Variants in MUC3A observed in about 807,000 individuals in gnomAD.
MUC3A encodes mucin 3A, cell surface associated.
In MUC3A, 109 loss-of-function variants were observed where a neutral mutation model predicts 109.0. The observed-to-expected ratio is 1.00, with a 90% CI of 0.86 to 1.17. The LOEUF (loss-of-function observed/expected upper bound fraction) is 1.17, where lower values mean the gene tolerates loss of function less well. Among genes scored for constraint, MUC3A ranks in the 50% most tolerant of loss-of-function variants. The pLI is 0.00. For missense variants in MUC3A, 3,537 were observed against 2,469.4 expected (o/e 1.43, Z -9.16); for synonymous variants, 1,398 against 981.4 (o/e 1.42, Z -7.93).
intron 5 of MUC3A, 193 bp downstream of exon 5, chr7:100,963,945 C>G: frequency 1.3e-6 from 1 of 774,716 alleles, no homozygotes; most frequent in Non-Finnish European, 2.1e-6. Flanking sequence ...GGTGGCACCT[C>G]TCTTCTTCAG....
intron 3 of MUC3A, 142 bp downstream of exon 3, chr7:100,961,079 C>G: frequency 6.5e-7 from 1 of 1,528,990 alleles, no homozygotes; most frequent in East Asian, 2.4e-5. Flanking sequence ...CCCATGCCCT[C>G]CGCTGCCCTG....
At position 100,957,232 on chromosome 7, in the gene MUC3A, CT is replaced by C; in HGVS notation, c.5454del (p.Leu1819TyrfsTer5). 1 of 489,668 alleles carries C rather than the reference CT, an allele frequency of 2.0e-6. No homozygotes were observed. Among genetic ancestry groups the C allele is most frequent in the Non-Finnish European group, 3.6e-6 (1 of 281,340 alleles). The allele number at this position is 489,668 out of a possible 1,614,324, so 30.3% of individuals were successfully genotyped here. On this transcript the variant is annotated frameshift_variant, in exon 2 of 12. Coordinates refer to ENST00000379458, the MANE Select transcript of MUC3A (RefSeq NM_005960.2). LOFTEE classifies it high-confidence loss of function. Reference sequence around the variant, plus strand: ...ACCAGTGGTACCACAAACACCACCCCTCTATCTACATTGGTGACCACATTCT... The same window carrying C: ...ACCAGTGGTACCACAAACACCACCCCCTATCTACATTGGTGACCACATTCT... ...AITSGTTNTT[P>X]LSTLVTTFSN... is the part of the protein sequence containing the mutation.
In MUC3A at chr7:100,958,999, C is replaced by G; in HGVS notation, c.7220C>G (p.Pro2407Arg). Residue 2407 changes from proline to arginine, a missense_variant, in exon 2 of 12, where the codon CCT (proline) becomes CGT (arginine). Coordinates refer to ENST00000379458, the MANE Select transcript of MUC3A (RefSeq NM_005960.2). ...TTTKTTSHIT[P>R]GLTSSITTTE... ...ACCAAGACCACCTCACACATTACTC[C>G]TGGCCTCACTTCTTCAATCACCACC... The G allele has an allele frequency of 1.3e-6, 2 of 1,580,746 alleles. No individual in the cohort carries two copies. Among genetic ancestry groups the G allele is most frequent in the Non-Finnish European group, 1.7e-6 (2 of 1,170,940 alleles).
rs770007554 is a variant in MUC3A, at chr7:100,952,098, A to G, written c.319A>G (p.Lys107Glu). The change falls in exon 2 of 12, where the codon AAG becomes GAG. Residue 107 changes from lysine (K) to glutamate (E), a missense_variant. Coordinates refer to ENST00000379458, the MANE Select transcript of MUC3A (RefSeq NM_005960.2). ...SSNTSTTPTS[K>E]FAFKVETTPP... is the part of the protein sequence containing the mutation. ...CAACACCTCAACCACCCCGACGTCC[A>G]AGTTTGCCTTCAAGGTTGAAACCAC... is the stretch of plus-strand genomic sequence containing the variant. 1 of 1,598,636 alleles carries G rather than the reference A, an allele frequency of 6.3e-7. No individual in the cohort carries two copies. The highest frequency in any genetic ancestry group is 1.1e-5 in the South Asian group (1 of 91,092).
At chr7:100,951,725 G>A (rs1273660152) in intron 1 of MUC3A, 116 bp from the exon 2 acceptor site, 2 of 1,475,466 alleles carry the variant, frequency 1.4e-6, no homozygotes, top group Non-Finnish European at 1.8e-6. Flanking sequence ...GCTGTAATAT[G>A]CCCTGCCCTC....
intron 1 of MUC3A, among the ~76,000 whole-genome samples, chr7:100,950,562 G>A (rs371351623): frequency 6.6e-5 from 10 of 152,426 alleles, no homozygotes; most frequent in African/African-American, 2.4e-4. Flanking sequence ...AGGTTGAGAC[G>A]TGACACCCCA....
chr7:100,962,597 A>G (rs1449648917), intron 3 of MUC3A, among the ~76,000 whole-genome samples: 1 of 152,290 alleles, frequency 6.6e-6, no homozygotes, highest in Non-Finnish European at 1.5e-5. Context: ...GCTTTCACTC[A>G]TCTCCACACA....
chr7:100,952,556 C>T lies in MUC3A; in HGVS notation c.777C>T (p.Ile259=), dbSNP rs1791982898. Residue 259 remains isoleucine (I), a synonymous_variant, in exon 2 of 12, where the codon ATC becomes ATT. Coordinates refer to ENST00000379458, the MANE Select transcript of MUC3A (RefSeq NM_005960.2). The part of the protein sequence containing the change: ...LKTAVTSTSP[I]TSSITSTNTV... ...CAGCAGTGACTTCCACTTCCCCCAT[C>T]ACTTCTTCAATCACTTCCACAAATA... 1 of 1,598,344 alleles carries T rather than the reference C, an allele frequency of 6.3e-7. No individual in the cohort carries two copies. Among genetic ancestry groups the T allele is most frequent in the East Asian group, 2.2e-5 (1 of 44,858 alleles).
rs2116198105 is a variant in MUC3A at position 100,959,611 on chromosome 7, T to A, written c.7832T>A (p.Leu2611His). The change falls in exon 2 of 12, where the codon CTT becomes CAT. Residue 2611 changes from leucine to histidine, a missense_variant. Coordinates refer to ENST00000379458, the MANE Select transcript of MUC3A (RefSeq NM_005960.2). Reference protein sequence around the residue: ...FGSTDSSTSTLHTLTPSTALS... With the variant: ...FGSTDSSTSTHHTLTPSTALS... ...AGTACGGATTCCTCCACGTCCACTCTTCATACTCTTACTCCATCAACAGCC... is the reference window on the plus strand; with the variant it reads ...AGTACGGATTCCTCCACGTCCACTCATCATACTCTTACTCCATCAACAGCC... The A allele has an allele frequency of 1.3e-6, 2 of 1,598,378 alleles. No individual in the cohort carries two copies. The highest frequency in any genetic ancestry group is 2.2e-5 in the East Asian group (1 of 44,890).
Position 100,960,637 on chromosome 7 carries a change from C to T in MUC3A, c.8858C>T (p.Thr2953Ile). ...SQMTTQSTLT[T>I]TAGTCDNGGT... ...ATGACCACACAGTCCACGTTGACCA[C>T]CACTGCAGGTTGGACCTTCTGCCTC... The change falls in exon 2 of 12, where the codon ACC (threonine) becomes ATC (isoleucine). Residue 2953 changes from threonine (T) to isoleucine (I), a missense_variant. Physicochemically the swap from Thr to Ile is moderately conservative, Grantham distance 89 (BLOSUM62 -1). Transcript: ENST00000379458. 2 of 1,595,592 alleles carry T rather than the reference C, an allele frequency of 1.3e-6. No homozygotes were observed. Among genetic ancestry groups the T allele is most frequent in the Non-Finnish European group, 1.7e-6 (2 of 1,178,988 alleles).
At position 100,949,738 on chromosome 7, in the gene MUC3A, C is replaced by T; in HGVS notation, c.61+53C>T. On this transcript the variant is annotated intron_variant, in intron 1 of 11. Coordinates refer to ENST00000379458, the MANE Select transcript of MUC3A (RefSeq NM_005960.2). ...GAGAAAAGCTCCTGATGTGATGTTC[C>T]AGGAAAGGGGAGGGAAAAGTGGCTG... The T allele has an allele frequency of 2.1e-6, 3 of 1,450,182 alleles. No homozygotes were observed. In the South Asian group the frequency reaches 4.1e-5, roughly 20 times the overall value. 89.8% of individuals were successfully genotyped at this position (1,450,182 alleles called of 1,614,324 possible). A position where few individuals can be genotyped will look rare whatever the true frequency, so the allele number is the denominator to read the frequency against.
chr7:100,958,780 C>T lies in MUC3A; in HGVS notation c.7001C>T (p.Thr2334Ile). 3 of 1,269,196 alleles carry T rather than the reference C, an allele frequency of 2.4e-6. No individual in the cohort carries two copies. The highest frequency in any genetic ancestry group is 3.0e-6 in the Non-Finnish European group (3 of 993,910). 78.6% of individuals were successfully genotyped at this position (1,269,196 alleles called of 1,614,324 possible). ...TCTTCGATCACCACCACCGAGACCA[C>T]CTCACACAATACTCGCAGCTTCACT... ...FTSSITTTET[T>I]SHNTRSFTSS... Residue 2334 changes from threonine (T) to isoleucine (I), a missense_variant, in exon 2 of 12, where the codon ACC (threonine) becomes ATC (isoleucine). Transcript: ENST00000379458.
In MUC3A at chr7:100,960,385, G is replaced by A; in HGVS notation, c.8606G>A (p.Ser2869Asn). 6.3e-7 allele frequency: 1 copy of A among 1,598,540 alleles called. No homozygotes were observed. Among genetic ancestry groups the A allele is most frequent in the South Asian group, 1.1e-5 (1 of 91,092 alleles). Residue 2869 changes from serine (S) to asparagine (N), a missense_variant, in exon 2 of 12, where the codon AGT (serine) becomes AAT (asparagine). Ser to Asn is a conservative substitution (Grantham distance 46, BLOSUM62 1). Transcript: ENST00000379458. ...TVFTSTRLPT[S>N]ETWLSNSSVI... Reference sequence around the variant, plus strand: ...TTCACAAGTACTCGACTGCCCACCAGTGAGACCTGGCTGAGCAACAGTTCT... The same window carrying A: ...TTCACAAGTACTCGACTGCCCACCAATGAGACCTGGCTGAGCAACAGTTCT...
chr7:100,964,065 A>AGAG (rs1563074142), intron 5 of MUC3A: 237 of 534,376 alleles, frequency 4.4e-4, no homozygotes, highest in Non-Finnish European at 1.0e-4. Context: ...CAGCATTAGA[A>AGAG]AGAGAGAGAG....
Position 100,949,608 on chromosome 7 carries a change from C to G in MUC3A, c.-17C>G. 3 of 1,545,720 alleles carry G rather than the reference C, an allele frequency of 1.9e-6. No homozygotes were observed. Among genetic ancestry groups the G allele is most frequent in the Non-Finnish European group, 2.6e-6 (3 of 1,152,884 alleles). On this transcript the variant is annotated 5_prime_UTR_variant, in exon 1 of 12. Coordinates refer to ENST00000379458, the MANE Select transcript of MUC3A (RefSeq NM_005960.2). ...TCCTGAAGCCTGTTCTGCCCCAGCC[C>G]CCTGCCCGCTGGGCCCATGCAGCTG...
Position 100,960,879 on chromosome 7 carries a change from G to T in MUC3A, c.8994G>T (p.Gln2998His), listed in dbSNP as rs1792304292. Residue 2998 changes from glutamine to histidine, a missense_variant, in exon 3 of 12, where the codon CAG becomes CAT. Physicochemically the swap from Gln to His is conservative, Grantham distance 24. Coordinates refer to ENST00000379458, the MANE Select transcript of MUC3A (RefSeq NM_005960.2). ...NGGQWDGLKC[Q>H]CPSTFYGSSC... ...GTCAGTGGGATGGCCTCAAATGCCA[G>T]TGCCCCAGCACCTTCTATGGTTCCA... 6.3e-7 allele frequency: 1 copy of T among 1,598,426 alleles called. No homozygotes were observed. The highest frequency in any genetic ancestry group is 8.5e-7 in the Non-Finnish European group (1 of 1,179,828).
chr7:100,966,237 G>GGGTGAGACCCGTCCGCTTGTTCTAC, intron 8 of MUC3A, 149 bp from the exon 9 acceptor site: 3 of 663,558 alleles, frequency 4.5e-6, no homozygotes, highest in Non-Finnish European at 6.3e-6. Context: ...CCTCGTTCTA[G>GGGTGAGACCCGTCCGCTTGTTCTAC]GGTGGATTCC....
rs1396389379 is a variant in MUC3A at position 100,957,052 on chromosome 7, G to A, written c.5273G>A (p.Ser1758Asn). 6 of 464,224 alleles carry A rather than the reference G, an allele frequency of 1.3e-5. No homozygotes were observed. Among genetic ancestry groups the A allele is most frequent in the African/African-American group, 2.0e-5 (1 of 49,814 alleles). 28.8% of individuals were successfully genotyped at this position (464,224 alleles called of 1,614,324 possible). A position where few individuals can be genotyped will look rare whatever the true frequency, so the allele number is the denominator to read the frequency against. ...ACAGGATCTTTCAAAACAGCCGTGAGTTCTACTCCCCCCATCACTTCTTCA... is the reference window on the plus strand; with the variant it reads ...ACAGGATCTTTCAAAACAGCCGTGAATTCTACTCCCCCCATCACTTCTTCA... ...ISTGSFKTAV[S>N]STPPITSSIT... The change falls in exon 2 of 12, where the codon AGT becomes AAT. Residue 1758 changes from serine (S) to asparagine (N), a missense_variant. Transcript: ENST00000379458.
Position 100,952,156 on chromosome 7 carries a change from CT to C in MUC3A, c.378del (p.Glu127SerfsTer9). 6.3e-7 allele frequency: 1 copy of C among 1,598,518 alleles called. No homozygotes were observed. The highest frequency in any genetic ancestry group is 8.5e-7 in the Non-Finnish European group (1 of 1,179,740). Reference sequence around the variant, plus strand: ...ACCGTGTTGGTCTATTCAGCCACCACTGAGTGCGTGTATCCAACGAGCTTTA... The same window carrying C: ...ACCGTGTTGGTCTATTCAGCCACCACGAGTGCGTGTATCCAACGAGCTTTA... ...PPTVLVYSAT[T>X]ECVYPTSFII... On this transcript the variant is annotated frameshift_variant, in exon 2 of 12. Transcript: ENST00000379458. LOFTEE classifies it high-confidence loss of function.
Sources: gnomAD v4.1 joint callset for allele counts (sites outside exome capture counted in the v4.1 genomes callset) on GRCh38, gnomAD v4.1.1 for gene constraint, MANE v1.5 for transcripts, NCBI Gene and HGNC (gene_info 2026-07-23, HGNC 2026-07-21) for gene names.